CDK14: variants seen among roughly 807,000 people sequenced by gnomAD.
CDK14 encodes the protein cyclin dependent kinase 14, also known as cyclin-dependent kinase 14.
In CDK14, 34 loss-of-function variants were observed where a neutral mutation model predicts 60.7. The ratio of observed to expected loss-of-function variants is 0.56; its 90% CI spans 0.43 to 0.75. The LOEUF is 0.75. Ranked by LOEUF, CDK14 falls within the 30% of genes least tolerant of loss-of-function variation. The pLI, the probability that CDK14 is intolerant of heterozygous loss-of-function variation, is 0.00. For synonymous variants in CDK14, 197 were observed against 203.7 expected, an observed-to-expected ratio of 0.97 and a Z score of 0.28; for missense variants, 482 against 564.1, an observed-to-expected ratio of 0.85 and a Z score of 1.47.
chr7:90,949,100 A>C (rs1368735542), intron 8 of CDK14, among the ~76,000 whole-genome samples: 3 of 152,152 alleles, frequency 2.0e-5, no homozygotes, highest in Non-Finnish European at 4.4e-5. Flanking sequence ...AATTATTTGA[A>C]TATTTTCTGT....
At chr7:91,036,771 G>C (rs1796946872) in intron 10 of CDK14, among the ~76,000 whole-genome samples, 1 of 152,118 alleles carries the variant, frequency 6.6e-6, no homozygotes, top group Non-Finnish European at 1.5e-5. Flanking sequence ...TTCAACAGTA[G>C]GCTATTAGTA....
chr7:90,916,069 T>C (rs1793069632), intron 7 of CDK14, among the ~76,000 whole-genome samples: 1 of 152,160 alleles, frequency 6.6e-6, no homozygotes, highest in Admixed American at 6.5e-5. Flanking sequence ...TTTTATTTCG[T>C]TTTTTTAAAA....
At chr7:91,106,039 A>G (rs1356548020) in intron 12 of CDK14, among the ~76,000 whole-genome samples, 1 of 152,216 alleles carries the variant, frequency 6.6e-6, no homozygotes, top group Non-Finnish European at 1.5e-5. Flanking sequence ...ATTTAATGAG[A>G]TCGCATTGCA....
intron 14 of CDK14, among the ~76,000 whole-genome samples, chr7:91,182,100 C>G (rs1294530835): frequency 1.3e-5 from 2 of 152,058 alleles, no homozygotes; most frequent in Admixed American, 1.3e-4. Flanking sequence ...ATACCTCTTT[C>G]TACACACTGG....
chr7:90,870,316 G>C lies in CDK14; in HGVS notation c.639+7047G>C, dbSNP rs529696358. Among the ~76,000 whole-genome samples, 132 of 152,242 alleles carry C rather than the reference G, an allele frequency of 8.7e-4. 1 individual carries two copies. Among genetic ancestry groups the C allele is most frequent in the African/African-American group, 3.1e-3 (129 of 41,538 alleles). Reference sequence around the variant, plus strand: ...TGAGAACACATGGACACATAGAGGGGAACAACACACACTGGGGTGTGCCAG... The same window carrying C: ...TGAGAACACATGGACACATAGAGGGCAACAACACACACTGGGGTGTGCCAG... On this transcript the variant is annotated intron_variant, in intron 6 of 14. Transcript: ENST00000380050.
intron 13 of CDK14, among the ~76,000 whole-genome samples, chr7:91,117,551 C>T (rs1799646894): frequency 6.6e-6 from 1 of 152,182 alleles, no homozygotes; most frequent in South Asian, 2.1e-4. Context: ...CCTCCTTCCA[C>T]CCTAAAACCT....
At chr7:90,726,853 G>A (rs1554441757) in intron 3 of CDK14, 41 bp downstream of exon 3, 1 of 1,606,196 alleles carries the variant, frequency 6.2e-7, no homozygotes, top group South Asian at 1.1e-5. Flanking sequence ...TAAACAGAAG[G>A]AATAGCCTTC....
chr7:90,648,790 A>G (rs113643358), intron 2 of CDK14, among the ~76,000 whole-genome samples: 1 of 152,328 alleles, frequency 6.6e-6, no homozygotes, highest in Non-Finnish European at 1.5e-5. Context: ...TGTCCTATGA[A>G]ACTTCTGGCC....
chr7:90,994,463 G>A (rs1243127076), intron 10 of CDK14, among the ~76,000 whole-genome samples: 2 of 152,186 alleles, frequency 1.3e-5, no homozygotes, highest in Non-Finnish European at 2.9e-5. Flanking sequence ...AAAGTGAAGG[G>A]AAGGGGACAT....
intron 9 of CDK14, among the ~76,000 whole-genome samples, chr7:90,956,081 C>T (rs1005239323): frequency 3.3e-5 from 5 of 152,096 alleles, no homozygotes; most frequent in Admixed American, 1.3e-4. Flanking sequence ...TTTTCTCTCC[C>T]TAAGAGTCTT....
intron 14 of CDK14, among the ~76,000 whole-genome samples, chr7:91,199,912 A>C (rs1336639027): frequency 1.3e-5 from 2 of 152,206 alleles, no homozygotes; most frequent in Non-Finnish European, 2.9e-5. Flanking sequence ...GCTGGTCTCA[A>C]AGATGTGTTC....
intron 7 of CDK14, among the ~76,000 whole-genome samples, chr7:90,912,007 T>C (rs956119502): frequency 6.6e-6 from 1 of 152,198 alleles, no homozygotes; most frequent in Non-Finnish European, 1.5e-5. Context: ...AATGTCCCTG[T>C]TCATCGTTTC....
intron 4 of CDK14, among the ~76,000 whole-genome samples, chr7:90,782,577 G>A (rs1461995878): frequency 6.6e-6 from 1 of 152,062 alleles, no homozygotes; most frequent in African/African-American, 2.4e-5. Context: ...TAGATGTTCT[G>A]TGTCTGTTTC....
Position 90,751,360 on chromosome 7 carries a change from G to A in CDK14, c.464+3585G>A, listed in dbSNP as rs1803837354. Among the ~76,000 whole-genome samples, 3 of 151,976 alleles carry A rather than the reference G, an allele frequency of 2.0e-5. 1 individual carries two copies. Among genetic ancestry groups the A allele is most frequent in the Admixed American group, 1.3e-4 (2 of 15,254 alleles). ...ACCTTACAAGCCAGGAGAGTTTGGG[G>A]GCCTGTTTTCACCATTCTTAAAATA... On this transcript the variant is annotated intron_variant, in intron 4 of 14. Coordinates refer to ENST00000380050, the MANE Select transcript of CDK14 (RefSeq NM_001287135.2).
chr7:90,604,310 A>G, intron 2 of CDK14, 61 bp downstream of exon 2: 1 of 992,698 alleles, frequency 1.0e-6, no homozygotes. Flanking sequence ...TAAAGTCAGT[A>G]GCTGCCAACT....
At chr7:90,950,669 C>CA (rs1379247748) in intron 8 of CDK14, among the ~76,000 whole-genome samples, 1 of 152,104 alleles carries the variant, frequency 6.6e-6, no homozygotes, top group Non-Finnish European at 1.5e-5. Flanking sequence ...AAATTGGAGA[C>CA]AGGAGAAATG....
chr7:91,003,444 G>T (rs763472229), intron 10 of CDK14, among the ~76,000 whole-genome samples: 1 of 152,072 alleles, frequency 6.6e-6, no homozygotes, highest in African/African-American at 2.4e-5. Context: ...TACTGAAAAA[G>T]AGGCAAAAAT....
intron 5 of CDK14, among the ~76,000 whole-genome samples, chr7:90,858,779 G>A (rs906679135): frequency 3.3e-5 from 5 of 152,142 alleles, no homozygotes; most frequent in African/African-American, 1.2e-4. Context: ...CTTTTAAAAT[G>A]AGCCTATGCG....
At chr7:90,658,706 A>G (rs1414839293) in intron 2 of CDK14, among the ~76,000 whole-genome samples, 2 of 152,144 alleles carry the variant, frequency 1.3e-5, no homozygotes, top group African/African-American at 2.4e-5. Flanking sequence ...TGGTTGCTGG[A>G]GATATGGGTT....
Sources: gnomAD v4.1 joint callset for allele counts (sites outside exome capture counted in the v4.1 genomes callset) on GRCh38, gnomAD v4.1.1 for gene constraint, MANE v1.5 for transcripts, NCBI Gene and HGNC (gene_info 2026-07-23, HGNC 2026-07-21) for gene names.